CSMD1: variants seen among roughly 807,000 people sequenced by gnomAD.
CSMD1 encodes the protein CUB and Sushi multiple domains 1.
CSMD1 carries 213 observed loss-of-function variants against 417.5 expected under a neutral mutation model. The observed-to-expected ratio is 0.51, with a 90% confidence interval of 0.46 to 0.57. The LOEUF is 0.57. Ranked by LOEUF, CSMD1 falls within the 20% of genes least tolerant of loss-of-function variation. The pLI is 0.00. For synonymous variants in CSMD1, 2,862 were observed against 1,736.8 expected (o/e 1.65, Z -16.11); for missense variants, 6,923 against 4,529.7 (o/e 1.53, Z -15.17).
chr8:3,663,332 G>A (rs946573549), intron 7 of CSMD1, among the ~76,000 whole-genome samples: 1 of 152,148 alleles, frequency 6.6e-6, no homozygotes, highest in Non-Finnish European at 1.5e-5. Flanking sequence ...TAGGCATGGT[G>A]CGTTCTGTTT....
At chr8:3,080,529 G>C (rs1169236969) in intron 49 of CSMD1, among the ~76,000 whole-genome samples, 1 of 152,164 alleles carries the variant, frequency 6.6e-6, no homozygotes, top group Non-Finnish European at 1.5e-5. Flanking sequence ...ACAATTGGTA[G>C]CGAAACTTTT....
intron 7 of CSMD1, among the ~76,000 whole-genome samples, chr8:3,617,153 AGAAGAAAGT>A (rs765677062): frequency 8.5e-4 from 129 of 152,320 alleles, no homozygotes; most frequent in Non-Finnish European, 1.2e-3. Flanking sequence ...ACACTTAGAG[AGAAGAAAGT>A]CTTCACTTAT....
chr8:4,402,270 T>C (rs1396000324), intron 3 of CSMD1, among the ~76,000 whole-genome samples: 2 of 151,928 alleles, frequency 1.3e-5, no homozygotes, highest in Non-Finnish European at 2.9e-5. Flanking sequence ...GCAAATCCAA[T>C]TATCATTCCC....
At chr8:4,104,412 ACGCACACACACATG>A (rs1378361913) in intron 3 of CSMD1, among the ~76,000 whole-genome samples, 1 of 150,122 alleles carries the variant, frequency 6.7e-6, no homozygotes, top group Non-Finnish European at 1.5e-5. Flanking sequence ...ACACATGCAC[ACGCACACACACATG>A]CGCACACGCA....
intron 10 of CSMD1, among the ~76,000 whole-genome samples, chr8:3,521,864 C>T (rs963122784): frequency 1.5e-4 from 23 of 152,216 alleles, no homozygotes; most frequent in Middle Eastern, 3.4e-3. Flanking sequence ...ATTCTAATAC[C>T]GCGGAACAGT....
chr8:3,179,897 T>G (rs1226915016), intron 37 of CSMD1, among the ~76,000 whole-genome samples: 1 of 152,204 alleles, frequency 6.6e-6, no homozygotes, highest in Non-Finnish European at 1.5e-5. Flanking sequence ...ATGCCCATAA[T>G]AAGCAGGAAA....
At chr8:3,209,867 T>G (rs1396364506) in intron 30 of CSMD1, among the ~76,000 whole-genome samples, 1 of 152,126 alleles carries the variant, frequency 6.6e-6, no homozygotes, top group African/African-American at 2.4e-5. Context: ...TATATACATC[T>G]CGTACATAAA....
Position 3,592,528 on chromosome 8 carries a change from T to C in CSMD1, c.1098-6268A>G, listed in dbSNP as rs189326481. On this transcript the variant is annotated intron_variant, in intron 8 of 69. Transcript: ENST00000635120. Reference sequence around the variant, plus strand: ...CCTTGTAAAATGGAGATGGATGGCATGGGGGCAGTAGCTGCAGCCACACTT... The same window carrying C: ...CCTTGTAAAATGGAGATGGATGGCACGGGGGCAGTAGCTGCAGCCACACTT... Among the ~76,000 whole-genome samples, 600 of 152,202 alleles carry C rather than the reference T, an allele frequency of 3.9e-3. 3 individuals carry two copies. The highest frequency in any genetic ancestry group is 5.3e-3 in the Non-Finnish European group (362 of 68,022).
At chr8:4,576,554 T>G (rs988974531) in intron 2 of CSMD1, among the ~76,000 whole-genome samples, 1 of 152,178 alleles carries the variant, frequency 6.6e-6, no homozygotes, top group Non-Finnish European at 1.5e-5. Flanking sequence ...TCACCTTTTT[T>G]GTTGGCAGGG....
intron 6 of CSMD1, among the ~76,000 whole-genome samples, chr8:3,720,294 A>G (rs1034172968): frequency 2.0e-5 from 3 of 152,176 alleles, no homozygotes; most frequent in South Asian, 4.1e-4. Flanking sequence ...TAGAGCTTAC[A>G]GAAGAAAAAA....
intron 13 of CSMD1, among the ~76,000 whole-genome samples, chr8:3,408,821 G>A (rs965090343): frequency 6.6e-6 from 1 of 151,828 alleles, no homozygotes; most frequent in Non-Finnish European, 1.5e-5. Flanking sequence ...TTTTTTGGAG[G>A]GAGAAACTGT....
intron 10 of CSMD1, among the ~76,000 whole-genome samples, chr8:3,550,823 G>T: frequency 6.6e-6 from 1 of 152,198 alleles, no homozygotes; most frequent in East Asian, 1.9e-4. Flanking sequence ...CTTGTTGGAT[G>T]GAAGAGTAAA....
intron 1 of CSMD1, among the ~76,000 whole-genome samples, chr8:4,896,160 G>C (rs935822525): frequency 6.6e-6 from 1 of 152,046 alleles, no homozygotes; most frequent in Non-Finnish European, 1.5e-5. Flanking sequence ...ACATTTGAAA[G>C]ATTGTTTCCT....
intron 4 of CSMD1, among the ~76,000 whole-genome samples, chr8:4,011,055 C>T (rs1042567120): frequency 6.6e-6 from 1 of 152,186 alleles, no homozygotes; most frequent in African/African-American, 2.4e-5. Context: ...CTTGCCAAAT[C>T]CTCACTGCCA....
chr8:3,520,150 T>C (rs913939513), intron 10 of CSMD1, among the ~76,000 whole-genome samples: 5 of 151,844 alleles, frequency 3.3e-5, no homozygotes, highest in African/African-American at 1.2e-4. Flanking sequence ...AGAATTACTG[T>C]TAAGAAACCA....
chr8:4,559,661 T>C (rs112251868), intron 2 of CSMD1, among the ~76,000 whole-genome samples: 2 of 152,244 alleles, frequency 1.3e-5, no homozygotes, highest in African/African-American at 2.4e-5. Flanking sequence ...TTCATATTTA[T>C]GTAACCTATA....
intron 1 of CSMD1, among the ~76,000 whole-genome samples, chr8:4,926,477 G>A (rs958337699): frequency 6.6e-6 from 1 of 152,002 alleles, no homozygotes; most frequent in South Asian, 2.1e-4. Context: ...ATTTCAAAAC[G>A]GTGTAATTTT....
rs781531848 is a variant in CSMD1 at position 3,338,428 on chromosome 8, G to A, written c.3631+4866C>T. ...TCAAAACACAGCTAAGTACAAGAAAGGGATAGACAGAGAATTCAGGATAGT... is the reference window on the plus strand; with the variant it reads ...TCAAAACACAGCTAAGTACAAGAAAAGGATAGACAGAGAATTCAGGATAGT... On this transcript the variant is annotated intron_variant, in intron 23 of 69. Transcript: ENST00000635120. 1.1e-3 allele frequency among the ~76,000 whole-genome samples: 175 copies of A among 152,286 alleles called. 1 individual carries two copies. Among genetic ancestry groups the A allele is most frequent in the Non-Finnish European group, 1.9e-3 (129 of 68,010 alleles).
intron 8 of CSMD1, among the ~76,000 whole-genome samples, chr8:3,593,302 G>C (rs1198336313): frequency 6.6e-6 from 1 of 152,240 alleles, no homozygotes; most frequent in Non-Finnish European, 1.5e-5. Flanking sequence ...GTTCCCAGCT[G>C]TGGCCTCATG....
Sources: gnomAD v4.1 joint callset for allele counts (sites outside exome capture counted in the v4.1 genomes callset) on GRCh38, gnomAD v4.1.1 for gene constraint, MANE v1.5 for transcripts, NCBI Gene and HGNC (gene_info 2026-07-23, HGNC 2026-07-21) for gene names.